The following PPP2R2D variants were observed in gnomAD, a reference collection of about 807,000 sequenced individuals.
PPP2R2D encodes serine/threonine-protein phosphatase 2A 55 kDa regulatory subunit B delta isoform.
PPP2R2D carries 9 observed loss-of-function variants against 31.1 expected under a neutral mutation model. That is an observed-to-expected ratio of 0.29 (90% CI 0.17 to 0.51). The LOEUF is 0.51. PPP2R2D is among the 20% of genes least tolerant of loss of function. The probability of loss-of-function intolerance (pLI) is 0.98; values close to 1 mark genes in which losing one functional copy is unlikely to be tolerated. For missense variants in PPP2R2D, 391 were observed against 465.6 expected (o/e 0.84, Z 1.48); for synonymous variants, 179 against 172.6 (o/e 1.04, Z -0.29).
In PPP2R2D at chr10:131,905,207, T is replaced by C. The variant is rs1033496036; in HGVS notation, c.100+3877T>C. Among the ~76,000 whole-genome samples, 835 of 152,268 alleles carry C rather than the reference T, an allele frequency of 5.5e-3. 14 individuals are homozygous for C. The highest frequency in any genetic ancestry group is 0.019 in the African/African-American group (784 of 41,556). The stretch of plus-strand genomic sequence containing the variant: ...GCTGGAAGGTGGGACTAGGTGAGTT[T>C]ATATGCTGAGTTGACCAAGAGTTAA... On this transcript the variant is annotated intron_variant, in intron 2 of 8. Transcript: ENST00000455566.
At position 131,956,138 on chromosome 10, in the gene PPP2R2D, G is replaced by A. The variant is rs565139661; in HGVS notation, c.*175G>A. On this transcript the variant is annotated 3_prime_UTR_variant, in exon 9 of 9. Transcript: ENST00000455566. ...AGGCCCGGTGTGGTTCCGCCTCGGC[G>A]AGGCGCGAGACAGGCGCTGCTGCTC... 1.4e-5 allele frequency: 18 copies of A among 1,248,882 alleles called. No individual in the cohort carries two copies. Among genetic ancestry groups the A allele is most frequent in the South Asian group, 1.1e-4 (3 of 27,276 alleles). 77.4% of individuals were successfully genotyped at this position (1,248,882 alleles called of 1,614,324 possible).
chr10:131,932,790 T>G (rs1366735771), intron 2 of PPP2R2D, among the ~76,000 whole-genome samples: 2 of 152,164 alleles, frequency 1.3e-5, no homozygotes, highest in Non-Finnish European at 2.9e-5. Flanking sequence ...CGTTGTTGGT[T>G]TTGTAATTTT....
chr10:131,913,789 G>A, intron 2 of PPP2R2D, among the ~76,000 whole-genome samples: 2 of 152,312 alleles, frequency 1.3e-5, no homozygotes, highest in East Asian at 3.9e-4. Flanking sequence ...AGAGCTCAGA[G>A]GCAGGGGCAA....
chr10:131,908,814 CTG>C (rs2035639475), intron 2 of PPP2R2D, among the ~76,000 whole-genome samples: 1 of 152,206 alleles, frequency 6.6e-6, no homozygotes, highest in Non-Finnish European at 1.5e-5. Context: ...ATAGCTGACT[CTG>C]TCACTTCAGG....
At chr10:131,960,775 C>T (rs1279447256), downstream of PPP2R2D, among the ~76,000 whole-genome samples, 5 of 152,236 alleles carry the variant, frequency 3.3e-5, no homozygotes, top group East Asian at 1.9e-4. Flanking sequence ...CTGTGCTGTG[C>T]GTCCTTGGCC....
downstream of PPP2R2D, among the ~76,000 whole-genome samples, chr10:131,962,018 G>A (rs370816808): frequency 1.4e-4 from 22 of 152,218 alleles, no homozygotes; most frequent in African/African-American, 5.3e-4. Flanking sequence ...GCCAGGGGGC[G>A]GCACTGCCCT....
At chr10:131,971,437 G>A in the PPP2R2D span, 1 of 162,546 alleles carries the variant, frequency 6.2e-6, no homozygotes, top group African/African-American at 2.4e-5. Flanking sequence ...GGGATAAGCA[G>A]GAGGGAAAAG....
At chr10:131,911,007 C>T (rs2035674449) in intron 2 of PPP2R2D, among the ~76,000 whole-genome samples, 2 of 152,308 alleles carry the variant, frequency 1.3e-5, no homozygotes, top group Middle Eastern at 3.4e-3. Flanking sequence ...ACCTCAGTGT[C>T]CTCTGTAGTC....
intron 2 of PPP2R2D, among the ~76,000 whole-genome samples, chr10:131,915,110 A>C (rs782794555): frequency 6.6e-6 from 1 of 151,504 alleles, no homozygotes; most frequent in South Asian, 2.1e-4. Context: ...TAATTTCAAT[A>C]GTTCTGTTCC....
At chr10:131,955,049 CG>C (rs1359692969) in intron 8 of PPP2R2D, among the ~76,000 whole-genome samples, 4 of 152,064 alleles carry the variant, frequency 2.6e-5, no homozygotes, top group African/African-American at 9.7e-5. Context: ...AGGATGTGTG[CG>C]GTAGTAGAAT....
At chr10:131,923,288 G>C (rs539366756) in intron 2 of PPP2R2D, among the ~76,000 whole-genome samples, 1 of 152,312 alleles carries the variant, frequency 6.6e-6, no homozygotes, top group African/African-American at 2.4e-5. Flanking sequence ...GCCGGTCAAG[G>C]CATATCCTGC....
chr10:131,909,718 T>C (rs2035652041), intron 2 of PPP2R2D, among the ~76,000 whole-genome samples: 1 of 152,248 alleles, frequency 6.6e-6, no homozygotes, highest in African/African-American at 2.4e-5. Context: ...CTTTTGGTGC[T>C]GGAATAATTT....
chr10:131,948,026 A>G (rs910508985), intron 8 of PPP2R2D, among the ~76,000 whole-genome samples: 6 of 152,238 alleles, frequency 3.9e-5, no homozygotes. Context: ...GTATAGCACT[A>G]GGTACAGGCC....
rs2036264437 is a variant in PPP2R2D at position 131,932,695 on chromosome 10, C to T, written c.101-1763C>T. Among the ~76,000 whole-genome samples, 4 of 139,716 alleles carry T rather than the reference C, an allele frequency of 2.9e-5. No individual in the cohort carries two copies. The South Asian group carries it at 9.1e-4, about 32-fold the overall frequency. 91.7% of individuals were successfully genotyped at this position (139,716 alleles called of 152,430 possible). Reference sequence around the variant, plus strand: ...ACACAAAAAAAACCTAACTTGGTGCCTTTAGTACCATATTTATGCCTTCAG... The same window carrying T: ...ACACAAAAAAAACCTAACTTGGTGCTTTTAGTACCATATTTATGCCTTCAG... On this transcript the variant is annotated intron_variant, in intron 2 of 8. Coordinates refer to ENST00000455566, the MANE Select transcript of PPP2R2D (RefSeq NM_018461.5).
rs1554897012 is a variant in PPP2R2D, at chr10:131,940,169, G to T, written c.337G>T (p.Ala113Ser). The change falls in exon 4 of 9, where the codon GCT (alanine) becomes TCT (serine). Residue 113 changes from alanine to serine, a missense_variant. Coordinates refer to ENST00000455566, the MANE Select transcript of PPP2R2D (RefSeq NM_018461.5). ...AATTAGGTGGTTACCACAACAGAAT[G>T]CTGCTCATTTTCTACTGTCTACAAA... is the stretch of plus-strand genomic sequence containing the variant. ...NKIRWLPQQN[A>S]AHFLLSTNDK... The T allele has an allele frequency of 1.3e-6, 1 of 764,412 alleles. No homozygotes were observed. The highest frequency in any genetic ancestry group is 2.4e-6 in the Non-Finnish European group (1 of 412,042). The allele number at this position is 764,412 out of a possible 1,614,324, so 47.4% of individuals were successfully genotyped here.
chr10:131,938,401 G>C (rs2036382083), intron 3 of PPP2R2D, among the ~76,000 whole-genome samples: 1 of 152,116 alleles, frequency 6.6e-6, no homozygotes. Context: ...ATTTCACTTA[G>C]GGCATACAGA....
At chr10:131,901,375 T>C in intron 2 of PPP2R2D, 45 bp downstream of exon 2, 2 of 345,438 alleles carry the variant, frequency 5.8e-6, no homozygotes, top group Non-Finnish European at 5.2e-6. Context: ...CGCGGACAGC[T>C]CCCAGCCCGG....
the PPP2R2D span, chr10:131,970,726 T>C: frequency 7.4e-6 from 12 of 1,614,230 alleles, no homozygotes; most frequent in Non-Finnish European, 1.0e-5. This position sits in a 1 kb window ranked among gnomAD's most constrained non-coding sequence, Gnocchi z 4.1. Flanking sequence ...CCTTTCTTCA[T>C]GACGCTCGTG....
At chr10:131,912,439 G>C (rs1391269231) in intron 2 of PPP2R2D, 3 of 152,264 alleles carry the variant, frequency 2.0e-5, no homozygotes, top group Admixed American at 6.5e-5. Context: ...CTCCCACCTC[G>C]GCCTCCCAAA....
Sources: allele counts gnomAD v4.1 joint callset (sites outside exome capture counted in the v4.1 genomes callset), GRCh38; gene constraint gnomAD v4.1.1; non-coding constraint Gnocchi (gnomAD v3.1); transcripts MANE v1.5; gene names NCBI Gene and HGNC (gene_info 2026-07-23, HGNC 2026-07-21).